Variants in CPA6 observed in about 807,000 individuals in gnomAD.
The protein encoded by CPA6 is carboxypeptidase A6.
In CPA6, 58 loss-of-function variants were observed where a neutral mutation model predicts 63.3. The observed-to-expected ratio is 0.92, with a 90% CI of 0.74 to 1.14. The LOEUF (loss-of-function observed/expected upper bound fraction) is 1.14. Ranked by LOEUF, CPA6 falls within the 50% of genes most tolerant of loss-of-function variation. The probability of loss-of-function intolerance (pLI) is 0.00; values close to 1 mark genes in which losing one functional copy is unlikely to be tolerated. For synonymous variants in CPA6, 185 were observed against 179.0 expected (o/e 1.03, Z -0.27); for missense variants, 565 against 526.6 (o/e 1.07, Z -0.71).
intron 2 of CPA6, among the ~76,000 whole-genome samples, chr8:67,567,517 T>G (rs1228613160): frequency 6.6e-6 from 1 of 152,212 alleles, no homozygotes; most frequent in African/African-American, 2.4e-5. Flanking sequence ...GCTTTTTGTC[T>G]GGAGGTCAGC....
At chr8:67,578,153 T>A (rs575155953) in intron 2 of CPA6, among the ~76,000 whole-genome samples, 34 of 152,324 alleles carry the variant, frequency 2.2e-4, no homozygotes, top group African/African-American at 7.2e-4. Context: ...TGCCCCGGAC[T>A]GTTGTTTACT....
In CPA6 at chr8:67,746,307, G is replaced by T; in HGVS notation, c.-178C>A. 1 of 472,928 alleles carries T rather than the reference G, an allele frequency of 2.1e-6. No individual in the cohort carries two copies. The highest frequency in any genetic ancestry group is 3.8e-6 in the Non-Finnish European group (1 of 259,866). The allele number at this position is 472,928 out of a possible 1,614,324, so 29.3% of individuals were successfully genotyped here. On this transcript the variant is annotated 5_prime_UTR_variant, in exon 1 of 11. In the 5' UTR this introduces an upstream ATG that the reference lacks. Coordinates refer to ENST00000297770, the MANE Select transcript of CPA6 (RefSeq NM_020361.5). ...ACAAGGGAAAAAAAAAGTTCAGGCA[G>T]CTGAGGAAGGGAAGTTGCTATTACG...
intron 8 of CPA6, among the ~76,000 whole-genome samples, chr8:67,467,052 G>A (rs1259668560): frequency 1.3e-5 from 2 of 152,056 alleles, no homozygotes; most frequent in Non-Finnish European, 2.9e-5. Flanking sequence ...TTTACCAGCT[G>A]AATATATATT....
chr8:67,735,184 C>T (rs1406942864), intron 1 of CPA6: 1 of 152,094 alleles, frequency 6.6e-6, no homozygotes, highest in Non-Finnish European at 1.5e-5. Flanking sequence ...TAATCTCTCC[C>T]TCTTTTTCAG....
intron 1 of CPA6, among the ~76,000 whole-genome samples, chr8:67,675,418 C>T (rs1449617573): frequency 6.6e-6 from 1 of 152,146 alleles, no homozygotes; most frequent in East Asian, 1.9e-4. Context: ...GCCCTTTTTA[C>T]TCATCCCACA....
chr8:67,710,751 TG>T (rs113588595), intron 1 of CPA6, among the ~76,000 whole-genome samples: 35 of 147,272 alleles, frequency 2.4e-4, no homozygotes, highest in Non-Finnish European at 1.5e-4. Context: ...TTTAGTCTGT[TG>T]GGGGGGGCTT....
chr8:67,530,340 C>T (rs1449983556), intron 2 of CPA6, among the ~76,000 whole-genome samples: 3 of 151,860 alleles, frequency 2.0e-5, no homozygotes, highest in African/African-American at 7.3e-5. Context: ...ATTTTCAGAA[C>T]TGAAAAACAT....
chr8:67,579,677 C>T (rs1813716163), intron 2 of CPA6, among the ~76,000 whole-genome samples: 2 of 152,202 alleles, frequency 1.3e-5, no homozygotes, highest in African/African-American at 2.4e-5. Flanking sequence ...AACTGACCTG[C>T]CATATCTGGC....
intron 8 of CPA6, among the ~76,000 whole-genome samples, chr8:67,471,628 G>A (rs987627733): frequency 6.6e-6 from 1 of 152,090 alleles, no homozygotes; most frequent in African/African-American, 2.4e-5. Context: ...CAAGGTGACT[G>A]CCCATCTGTC....
rs1386075064 is a variant in CPA6, at chr8:67,710,487, A to AT, written c.116+35526dup. ...AGAGAAATATATTTTGGGGTAAAATATTTTTATTTTTTTCTGTCTGCTATC... is the reference window on the plus strand; with the variant it reads ...AGAGAAATATATTTTGGGGTAAAATATTTTTTATTTTTTTCTGTCTGCTATC... On this transcript the variant is annotated intron_variant, in intron 1 of 10. Transcript: ENST00000297770. Among the ~76,000 whole-genome samples the AT allele has an allele frequency of 8.1e-5, 12 of 148,690 alleles. No individual in the cohort carries two copies. In the South Asian group the frequency reaches 2.4e-3, roughly 29 times the overall value.
At position 67,497,487 on chromosome 8, in the gene CPA6, C is replaced by A. The variant is rs190496172; in HGVS notation, c.636+9300G>T. 2.9e-3 allele frequency among the ~76,000 whole-genome samples: 437 copies of A among 152,244 alleles called. 1 individual carries two copies. Among genetic ancestry groups the A allele is most frequent in the African/African-American group, 9.8e-3 (409 of 41,532 alleles). On this transcript the variant is annotated intron_variant, in intron 6 of 10. Coordinates refer to ENST00000297770, the MANE Select transcript of CPA6 (RefSeq NM_020361.5). ...TTGTATGGTTATACCAATAAAAAAA[C>A]TATTCATCAGTTGATGGCCACTTTT...
intron 2 of CPA6, among the ~76,000 whole-genome samples, chr8:67,616,618 T>C (rs544671537): frequency 4.0e-5 from 6 of 151,410 alleles, no homozygotes; most frequent in Non-Finnish European, 8.9e-5. Context: ...CTCTTGTACA[T>C]ACCTTACCAT....
At chr8:67,630,445 T>C (rs1815298452) in intron 1 of CPA6, among the ~76,000 whole-genome samples, 1 of 152,172 alleles carries the variant, frequency 6.6e-6, no homozygotes, top group Admixed American at 6.5e-5. Context: ...GAATTGATTT[T>C]TTTTTTCTTG....
At position 67,508,639 on chromosome 8, in the gene CPA6, G is replaced by C. The variant is rs1250016116; in HGVS notation, c.534+878C>G. 2.6e-5 allele frequency among the ~76,000 whole-genome samples: 4 copies of C among 152,132 alleles called. No homozygotes were observed. The East Asian group carries it at 7.7e-4, about 29-fold the overall frequency. On this transcript the variant is annotated intron_variant, in intron 5 of 10. Transcript: ENST00000297770. Reference sequence around the variant, plus strand: ...GAGAGACAGGAGGAGAATCAATTAGGAGTGGTTGCTGGCCTTGGAAAGAAG... The same window carrying C: ...GAGAGACAGGAGGAGAATCAATTAGCAGTGGTTGCTGGCCTTGGAAAGAAG...
chr8:67,508,678 G>A (rs1344918680), intron 5 of CPA6, among the ~76,000 whole-genome samples: 1 of 152,106 alleles, frequency 6.6e-6, no homozygotes, highest in Non-Finnish European at 1.5e-5. Context: ...TAGAAGAGTT[G>A]TAGGGGCAAA....
chr8:67,484,844 A>G (rs78259842), intron 6 of CPA6, 55 bp from the exon 7 acceptor site: 5 of 945,374 alleles, frequency 5.3e-6, no homozygotes, highest in Non-Finnish European at 8.4e-6. Flanking sequence ...AGAGGAAAAA[A>G]GAGTGTGAGA....
At chr8:67,491,427 C>T (rs1172671343) in intron 6 of CPA6, among the ~76,000 whole-genome samples, 2 of 151,990 alleles carry the variant, frequency 1.3e-5, no homozygotes, top group Non-Finnish European at 2.9e-5. Context: ...CTTAGTTATA[C>T]TTAGAACCAC....
intron 1 of CPA6, among the ~76,000 whole-genome samples, chr8:67,669,956 T>A (rs1018891026): frequency 1.3e-5 from 2 of 152,206 alleles, no homozygotes; most frequent in Non-Finnish European, 2.9e-5. Flanking sequence ...TCAGTTAGAA[T>A]GTAATTACAT....
intron 2 of CPA6, among the ~76,000 whole-genome samples, chr8:67,585,119 C>T (rs138741991): frequency 5.9e-5 from 9 of 151,946 alleles, no homozygotes; most frequent in Non-Finnish European, 7.4e-5. Context: ...GATCAGGTAA[C>T]GAATAGTGCT....
Sources: gnomAD v4.1 joint callset for allele counts (sites outside exome capture counted in the v4.1 genomes callset) on GRCh38, gnomAD v4.1.1 for gene constraint, MANE v1.5 for transcripts, NCBI Gene and HGNC (gene_info 2026-07-23, HGNC 2026-07-21) for gene names.